Variants in HARBI1 observed in about 807,000 individuals in gnomAD.
HARBI1 encodes the protein putative nuclease HARBI1.
HARBI1 carries 15 observed loss-of-function variants against 25.3 expected under a neutral mutation model. That is an observed-to-expected ratio of 0.59 (90% CI 0.40 to 0.91). The LOEUF is 0.91. Among genes scored for constraint, HARBI1 ranks in the 40% least tolerant of loss-of-function variants. HARBI1 has a pLI of 0.00. For missense variants in HARBI1, 396 were observed against 445.8 expected, an observed-to-expected ratio of 0.89 and a Z score of 1.01; for synonymous variants, 168 against 160.5, an observed-to-expected ratio of 1.05 and a Z score of -0.35.
intron 2 of HARBI1, 45 bp from the exon 3 acceptor site, chr11:46,603,954 T>G (rs1358291467): frequency 3.9e-6 from 6 of 1,537,992 alleles, no homozygotes; most frequent in African/African-American, 2.8e-5. Context: ...ATAAGTGGAA[T>G]AGAAACAGGA....
At chr11:46,605,745 G>A (rs935051252) in intron 2 of HARBI1, among the ~76,000 whole-genome samples, 8 of 151,274 alleles carry the variant, frequency 5.3e-5, no homozygotes, top group Admixed American at 1.3e-4. Context: ...ACGCCACCAC[G>A]CCCGGCTAAT....
Position 46,603,502 on chromosome 11 carries a change from G to C in HARBI1, c.*28C>G. The C allele has an allele frequency of 6.5e-7, 1 of 1,545,592 alleles. No individual in the cohort carries two copies. Among genetic ancestry groups the C allele is most frequent in the South Asian group, 1.2e-5 (1 of 80,058 alleles). ...GAGGAAAGTCTGTCACAACTCCTGGGAAGTATCCCTCCTCTCCACCTTCTA... is the reference window on the plus strand; with the variant it reads ...GAGGAAAGTCTGTCACAACTCCTGGCAAGTATCCCTCCTCTCCACCTTCTA... On this transcript the variant is annotated 3_prime_UTR_variant, in exon 3 of 3. Transcript: ENST00000326737.
At chr11:46,617,529 A>G (rs1591286480), upstream of HARBI1, 8 of 155,662 alleles carry the variant, frequency 5.1e-5, no homozygotes, top group East Asian at 1.5e-4. Flanking sequence ...TTTCCCCCGT[A>G]GCCCTCTTTC....
intron 2 of HARBI1, among the ~76,000 whole-genome samples, chr11:46,614,982 G>GT (rs1168476272): frequency 6.6e-6 from 1 of 152,084 alleles, no homozygotes; most frequent in East Asian, 1.9e-4. Context: ...GCGCGATCTT[G>GT]GCTAACCGCA....
intron 2 of HARBI1, among the ~76,000 whole-genome samples, chr11:46,610,974 T>C (rs2045156582): frequency 6.6e-6 from 1 of 151,068 alleles, no homozygotes; most frequent in African/African-American, 2.4e-5. Context: ...TCCTCTTTTG[T>C]AAAAATGTTA....
intron 2 of HARBI1, among the ~76,000 whole-genome samples, chr11:46,604,857 A>C (rs1300225000): frequency 6.6e-6 from 1 of 152,210 alleles, no homozygotes; most frequent in African/African-American, 2.4e-5. Flanking sequence ...ATGAATTCAG[A>C]AGTCAATTAA....
At chr11:46,609,272 G>C (rs2045082094) in intron 2 of HARBI1, among the ~76,000 whole-genome samples, 2 of 151,896 alleles carry the variant, frequency 1.3e-5, no homozygotes, top group South Asian at 4.2e-4. Context: ...ATCTTGGCCA[G>C]GCTTGTCTTG....
intron 2 of HARBI1, among the ~76,000 whole-genome samples, chr11:46,612,737 C>A (rs986480934): frequency 6.7e-6 from 1 of 149,022 alleles, no homozygotes; most frequent in African/African-American, 2.5e-5. Context: ...ATGGTGCGAT[C>A]TCGACTCACT....
At chr11:46,617,449 T>TTTG (rs2045654274), upstream of HARBI1, 1 of 192,996 alleles carries the variant, frequency 5.2e-6, no homozygotes, top group Admixed American at 6.1e-5. Context: ...TTATGGATAT[T>TTTG]TTGAGGACTA....
intron 2 of HARBI1, among the ~76,000 whole-genome samples, chr11:46,611,838 A>T (rs971773039): frequency 1.3e-5 from 2 of 152,128 alleles, no homozygotes; most frequent in African/African-American, 4.8e-5. Context: ...ACTTTCCCAC[A>T]CTTCTTGGTG....
intron 1 of HARBI1, 61 bp from the exon 2 acceptor site, chr11:46,616,442 G>A (rs2045474231): frequency 7.2e-7 from 1 of 1,383,210 alleles, no homozygotes; most frequent in East Asian, 2.7e-5. Context: ...TGACTCAAAG[G>A]CTGGAGCAGC....
chr11:46,607,801 C>T (rs2045012274), intron 2 of HARBI1, among the ~76,000 whole-genome samples: 1 of 150,536 alleles, frequency 6.6e-6, no homozygotes, highest in Non-Finnish European at 1.5e-5. Flanking sequence ...AGAACTGAGG[C>T]TGAATTGTTT....
At position 46,615,669 on chromosome 11, in the gene HARBI1, T is replaced by C. The variant is rs199580977; in HGVS notation, c.569A>G (p.Glu190Gly). The C allele has an allele frequency of 1.9e-6, 3 of 1,614,210 alleles. No homozygotes were observed. Among genetic ancestry groups the C allele is most frequent in the African/African-American group, 1.3e-5 (1 of 75,058 alleles). Residue 190 changes from glutamate to glycine, a missense_variant, in exon 2 of 3, where the codon GAG (glutamate) becomes GGG (glycine). Glu to Gly is a moderately conservative substitution (Grantham distance 98). Coordinates refer to ENST00000326737, the MANE Select transcript of HARBI1 (RefSeq NM_173811.4). ...CTGTAGGCTGCCGGGCCAGTTTGTCTCCACGGTCATTAGTGTCCCTCTAAT... is the reference window on the plus strand; with the variant it reads ...CTGTAGGCTGCCGGGCCAGTTTGTCCCCACGGTCATTAGTGTCCCTCTAAT... ...CDIRGTLMTV[E>G]TNWPGSLQDC...
rs1713936408 is a variant in HARBI1, at chr11:46,603,261, C to G, written c.*269G>C. ...AGGCACAGTCATAAATGTTTGCAAC[C>G]ACTGAGCTTTCAAATTAGTGGTACT... On this transcript the variant is annotated 3_prime_UTR_variant, in exon 3 of 3. Transcript: ENST00000326737. 3.3e-6 allele frequency: 1 copy of G among 300,094 alleles called. No homozygotes were observed. The highest frequency in any genetic ancestry group is 8.0e-5 in the South Asian group (1 of 12,436). The allele number at this position is 300,094 out of a possible 1,614,324, so 18.6% of individuals were successfully genotyped here. A position where few individuals can be genotyped will look rare whatever the true frequency, so the allele number is the denominator to read the frequency against.
intron 2 of HARBI1, 143 bp from the exon 3 acceptor site, chr11:46,604,052 A>G: frequency 1.4e-6 from 2 of 1,406,636 alleles, no homozygotes; most frequent in Non-Finnish European, 1.8e-6. Context: ...CCAAGCGGAA[A>G]ATGCTATGGT....
chr11:46,616,854 AAAAAAAAACAAC>A, intron 1 of HARBI1: 4 of 953,498 alleles, frequency 4.2e-6, no homozygotes, highest in Non-Finnish European at 5.0e-6. Flanking sequence ...AAAAAAAAAA[AAAAAAAAACAAC>A]CAAAGTCCAC....
rs2044835573 is a variant in HARBI1 at position 46,603,701 on chromosome 11, C to A, written c.879G>T (p.Leu293Phe). ...YSPEKSSHII[L>F]ACCVLHNISL... ...AGATGTTGTGGAGGACACAACAGGCCAAGATGATATGGCTGGATTTCTCTG... is the reference window on the plus strand; with the variant it reads ...AGATGTTGTGGAGGACACAACAGGCAAAGATGATATGGCTGGATTTCTCTG... The change falls in exon 3 of 3, where the codon TTG becomes TTT. Residue 293 changes from leucine (L) to phenylalanine (F), a missense_variant. Coordinates refer to ENST00000326737, the MANE Select transcript of HARBI1 (RefSeq NM_173811.4). 1 of 1,614,146 alleles carries A rather than the reference C, an allele frequency of 6.2e-7. No homozygotes were observed.
rs1268391063 is a variant in HARBI1 at position 46,616,304 on chromosome 11, A to G, written c.-67T>C. The G allele has an allele frequency of 1.3e-6, 2 of 1,526,186 alleles. No individual in the cohort carries two copies. Among genetic ancestry groups the G allele is most frequent in the East Asian group, 4.5e-5 (2 of 44,216 alleles). The allele number at this position is 1,526,186 out of a possible 1,614,324, so 94.5% of individuals were successfully genotyped here. On this transcript the variant is annotated 5_prime_UTR_variant, in exon 2 of 3. Coordinates refer to ENST00000326737, the MANE Select transcript of HARBI1 (RefSeq NM_173811.4). ...CTGTTCCCAATGAAGATGTTGGTGC[A>G]AGAACGTATTTTTAAGAAAGTATCA... is the stretch of plus-strand genomic sequence containing the variant.
upstream of HARBI1, chr11:46,617,877 C>T: frequency 2.5e-6 from 1 of 399,154 alleles, no homozygotes; most frequent in Non-Finnish European, 4.4e-6. Flanking sequence ...ACTCTTTGTG[C>T]CGCAGCTTCG....
Sources: gnomAD v4.1 joint callset for allele counts (sites outside exome capture counted in the v4.1 genomes callset) on GRCh38, gnomAD v4.1.1 for gene constraint, MANE v1.5 for transcripts, NCBI Gene and HGNC (gene_info 2026-07-23, HGNC 2026-07-21) for gene names.